The following CALN1 variants were observed in gnomAD, a reference collection of about 807,000 sequenced individuals.
CALN1 encodes the protein calneuron 1.
A neutral mutation model predicts 30.6 loss-of-function variants in CALN1; 17 were observed. That is an observed-to-expected ratio of 0.56 (90% CI 0.38 to 0.83). The LOEUF (loss-of-function observed/expected upper bound fraction) is 0.83. CALN1 is among the 40% of genes least tolerant of loss of function. CALN1 has a pLI of 0.00. For synonymous variants in CALN1, 156 were observed against 131.4 expected (o/e 1.19, Z -1.28); for missense variants, 291 against 354.9 (o/e 0.82, Z 1.45).
chr7:71,929,034 T>C (rs1330731490), intron 5 of CALN1, among the ~76,000 whole-genome samples: 1 of 152,162 alleles, frequency 6.6e-6, no homozygotes, highest in African/African-American at 2.4e-5. Flanking sequence ...AATTATATGA[T>C]ATGTGACCTT....
intron 5 of CALN1, among the ~76,000 whole-genome samples, chr7:71,856,636 A>G (rs1404440597): frequency 2.0e-5 from 3 of 152,162 alleles, no homozygotes; most frequent in African/African-American, 7.2e-5. Flanking sequence ...TGTTTTCCCA[A>G]GACTATACAT....
intron 5 of CALN1, among the ~76,000 whole-genome samples, chr7:71,847,001 T>C (rs1046252906): frequency 1.3e-5 from 2 of 149,558 alleles, no homozygotes; most frequent in South Asian, 2.1e-4. Flanking sequence ...CATATATATA[T>C]ATTGCTTATG....
intron 2 of CALN1, among the ~76,000 whole-genome samples, chr7:72,324,937 C>T (rs1219576662): frequency 1.3e-5 from 2 of 152,116 alleles, no homozygotes; most frequent in Non-Finnish European, 2.9e-5. Context: ...GAGTTCTGTG[C>T]TGGGTTTTTG....
intron 2 of CALN1, among the ~76,000 whole-genome samples, chr7:72,359,337 C>T (rs1032733837): frequency 2.6e-5 from 4 of 152,280 alleles, no homozygotes; most frequent in African/African-American, 7.2e-5. Flanking sequence ...TCTCCCTCCC[C>T]GTTTCGTCTT....
chr7:72,058,095 T>C (rs921891792), intron 4 of CALN1, among the ~76,000 whole-genome samples: 1 of 152,058 alleles, frequency 6.6e-6, no homozygotes, highest in Admixed American at 6.6e-5. Context: ...TATAGAAAAT[T>C]GCTCTTCTGG....
intron 3 of CALN1, among the ~76,000 whole-genome samples, chr7:72,120,870 G>C (rs1000049779): frequency 6.6e-6 from 1 of 151,976 alleles, no homozygotes; most frequent in Non-Finnish European, 1.5e-5. Context: ...ACAGGGCCTG[G>C]CCCAAAGGAG....
intron 2 of CALN1, among the ~76,000 whole-genome samples, chr7:72,381,192 T>C (rs953488152): frequency 6.6e-6 from 1 of 152,226 alleles, no homozygotes; most frequent in East Asian, 1.9e-4. Context: ...AGAATGAAGA[T>C]GCAACCTAAG....
chr7:72,324,402 T>A (rs570890016), intron 2 of CALN1, among the ~76,000 whole-genome samples: 1 of 151,990 alleles, frequency 6.6e-6, no homozygotes, highest in Non-Finnish European at 1.5e-5. Flanking sequence ...GGAGTTATCA[T>A]TTATGACGGG....
chr7:71,978,396 C>T (rs1350707022), intron 5 of CALN1, among the ~76,000 whole-genome samples: 3 of 150,902 alleles, frequency 2.0e-5, no homozygotes, highest in Non-Finnish European at 2.9e-5. Context: ...CTCAGCCTCC[C>T]AAGTAGCTGG....
At chr7:72,168,050 G>A (rs1469114679) in intron 3 of CALN1, among the ~76,000 whole-genome samples, 1 of 152,120 alleles carries the variant, frequency 6.6e-6, no homozygotes, top group East Asian at 1.9e-4. Flanking sequence ...TGAATTTGTT[G>A]CCAAATTTAT....
At chr7:72,276,051 G>C (rs918770447) in intron 3 of CALN1, among the ~76,000 whole-genome samples, 1 of 152,152 alleles carries the variant, frequency 6.6e-6, no homozygotes, top group Non-Finnish European at 1.5e-5. Context: ...GGAGGAAGGG[G>C]GGAGAATATG....
intron 5 of CALN1, among the ~76,000 whole-genome samples, chr7:72,001,107 G>T (rs1326264213): frequency 6.6e-6 from 1 of 152,086 alleles, no homozygotes; most frequent in Non-Finnish European, 1.5e-5. Context: ...ATTGGTTGTA[G>T]CCAGCATCAG....
intron 5 of CALN1, among the ~76,000 whole-genome samples, chr7:71,873,416 G>C (rs1792061833): frequency 6.6e-6 from 1 of 152,122 alleles, no homozygotes; most frequent in East Asian, 1.9e-4. Context: ...GGCAGTTATT[G>C]CTATTTCCCT....
intron 3 of CALN1, among the ~76,000 whole-genome samples, chr7:72,118,091 T>C (rs1012220279): frequency 2.0e-5 from 3 of 152,044 alleles, no homozygotes. Flanking sequence ...CTACTATGCA[T>C]CTCAGATGTC....
the CALN1 span, among the ~76,000 whole-genome samples, chr7:72,497,897 A>G: frequency 6.6e-6 from 1 of 152,258 alleles, no homozygotes; most frequent in Non-Finnish European, 1.5e-5. Flanking sequence ...AAGATAATTC[A>G]TAACTATACA....
At chr7:71,895,568 G>A (rs1584465753) in intron 5 of CALN1, among the ~76,000 whole-genome samples, 1 of 152,034 alleles carries the variant, frequency 6.6e-6, no homozygotes, top group Non-Finnish European at 1.5e-5. Context: ...CCCACTCCCT[G>A]GTGAAATTTC....
chr7:71,801,932 C>T (rs111419814), intron 6 of CALN1, among the ~76,000 whole-genome samples: 5 of 151,396 alleles, frequency 3.3e-5, no homozygotes, highest in African/African-American at 1.2e-4. Flanking sequence ...GAGTTGAGAT[C>T]ATATCACTTC....
At chr7:72,228,739 A>ATTTATT (rs1793862900) in intron 3 of CALN1, among the ~76,000 whole-genome samples, 2 of 149,252 alleles carry the variant, frequency 1.3e-5, no homozygotes, top group Admixed American at 6.7e-5. Context: ...CCTTATTTAT[A>ATTTATT]TATTTATTTA....
At chr7:71,854,497 T>C (rs966919487) in intron 5 of CALN1, among the ~76,000 whole-genome samples, 1 of 152,218 alleles carries the variant, frequency 6.6e-6, no homozygotes, top group African/African-American at 2.4e-5. Context: ...GAAGCAATTA[T>C]AGCAAGTTGG....
Sources: allele counts gnomAD v4.1 joint callset (sites outside exome capture counted in the v4.1 genomes callset), GRCh38; gene constraint gnomAD v4.1.1; transcripts MANE v1.5; gene names NCBI Gene and HGNC (gene_info 2026-07-23, HGNC 2026-07-21).